TRMT11: variants seen among roughly 807,000 people sequenced by gnomAD.
The protein encoded by TRMT11 is tRNA (guanine(10)-N(2))-methyltransferase TRMT11.
In TRMT11, 53 loss-of-function variants were observed where a neutral mutation model predicts 62.8. The ratio of observed to expected loss-of-function variants is 0.84; its 90% CI spans 0.68 to 1.06. TRMT11 has a LOEUF of 1.06. Among genes scored for constraint, TRMT11 ranks in the 50% least tolerant of loss-of-function variants. The pLI is 0.00. For missense variants in TRMT11, 556 were observed against 553.4 expected, an observed-to-expected ratio of 1.00 and a Z score of -0.05; for synonymous variants, 188 against 190.3, an observed-to-expected ratio of 0.99 and a Z score of 0.10.
intron 21 of TRMT11, among the ~76,000 whole-genome samples, chr6:126,126,107 T>C (rs1383672012): frequency 6.6e-6 from 1 of 152,062 alleles, no homozygotes; most frequent in East Asian, 1.9e-4. Context: ...TACATTTGTG[T>C]TATTTGTCTG....
downstream of TRMT11, among the ~76,000 whole-genome samples, chr6:126,041,580 T>G (rs1292640354): frequency 1.3e-5 from 2 of 152,164 alleles, no homozygotes; most frequent in Non-Finnish European, 2.9e-5. Flanking sequence ...TGAAGGTGAC[T>G]TTTTTGGGAA....
intron 16 of TRMT11, among the ~76,000 whole-genome samples, chr6:126,052,187 G>A (rs974397666): frequency 6.6e-6 from 1 of 152,194 alleles, no homozygotes; most frequent in Non-Finnish European, 1.5e-5. Context: ...ATGGGTGGAC[G>A]TGCTCTATTT....
chr6:126,193,488 G>GTTTTTTTTTTTTTTTTTTTTTTTTTTTTT (rs1778627491), intron 1 of TRMT11, among the ~76,000 whole-genome samples: 1 of 118,140 alleles, frequency 8.5e-6, no homozygotes, highest in African/African-American at 3.7e-5. Context: ...GAGCGTTTCT[G>GTTTTTTTTTTTTTTTTTTTTTTTTTTTTT]TATTTTTTTT....
At chr6:126,249,706 G>A in the TRMT11 span, among the ~76,000 whole-genome samples, 1 of 152,176 alleles carries the variant, frequency 6.6e-6, no homozygotes, top group East Asian at 1.9e-4. Flanking sequence ...GGATAGGGAG[G>A]CGAAAAAGCA....
At chr6:126,201,957 C>T (rs1040823275) in intron 3 of TRMT11, 2 of 152,140 alleles carry the variant, frequency 1.3e-5, no homozygotes, top group African/African-American at 4.8e-5. Flanking sequence ...GACTGCTTCA[C>T]GTTCCCCTGC....
At chr6:126,095,523 G>C (rs1226198857) in intron 17 of TRMT11, among the ~76,000 whole-genome samples, 1 of 152,122 alleles carries the variant, frequency 6.6e-6, no homozygotes, top group Non-Finnish European at 1.5e-5. Context: ...ATAACCTTCT[G>C]ATACCAATTT....
chr6:126,190,232 C>T (rs903919820), intron 1 of TRMT11, among the ~76,000 whole-genome samples: 8 of 152,112 alleles, frequency 5.3e-5, no homozygotes, highest in Non-Finnish European at 8.8e-5. Context: ...TGTGGTTTGG[C>T]TCTGTGTTCC....
At chr6:126,162,754 G>A (rs1288058209) in intron 21 of TRMT11, among the ~76,000 whole-genome samples, 1 of 152,110 alleles carries the variant, frequency 6.6e-6, no homozygotes, top group Admixed American at 6.5e-5. Context: ...GTGGTTTGTA[G>A]TATTCCTTGA....
At chr6:126,011,197 A>C in intron 8 of TRMT11, 56 bp from the exon 9 acceptor site, 1 of 1,434,896 alleles carries the variant, frequency 7.0e-7, no homozygotes, top group African/African-American at 1.4e-5. Context: ...CCTAAATGAC[A>C]GAAAATAAGA....
chr6:125,998,662 A>G lies in TRMT11; in HGVS notation c.500A>G (p.His167Arg), dbSNP rs764651301. ...CCAAACTGCATCCCTGAGAATCCAC[A>G]TAATATTTATTTTGGTAGATGGGTG... The part of the protein sequence containing the change: ...LDPNCIPENP[H>R]NIYFGRWIAD... Residue 167 changes from histidine to arginine, a missense_variant, in exon 6 of 13, where the codon CAT (histidine) becomes CGT (arginine). By Grantham distance (29) the His-to-Arg change is conservative (BLOSUM62 0). Transcript: ENST00000334379. 3.7e-6 allele frequency: 6 copies of G among 1,612,204 alleles called. No individual in the cohort carries two copies. Among genetic ancestry groups the G allele is most frequent in the East Asian group, 4.5e-5 (2 of 44,784 alleles).
rs528731738 is a variant in TRMT11 at position 126,122,060 on chromosome 6, A to G, written c.*1823+6205A>G. On this transcript the variant is annotated intron_variant and NMD_transcript_variant, in intron 21 of 22. Coordinates refer to the TRMT11 transcript ENST00000648977. The stretch of plus-strand genomic sequence containing the variant: ...TCCCATGCTGTTCTTGTGATAGTGA[A>G]TAAGTCTCATGAGATCTGATCGTTT... Among the ~76,000 whole-genome samples, 82 of 152,182 alleles carry G rather than the reference A, an allele frequency of 5.4e-4. 1 individual carries two copies. The South Asian group carries it at 0.016, about 30-fold the overall frequency.
intron 21 of TRMT11, among the ~76,000 whole-genome samples, chr6:126,170,283 C>T (rs1208503909): frequency 6.6e-6 from 1 of 152,132 alleles, no homozygotes; most frequent in African/African-American, 2.4e-5. Context: ...AACCAAAAAA[C>T]CCGAAACTGA....
intron 8 of TRMT11, chr6:126,009,407 T>A (rs1430625828): frequency 6.6e-6 from 1 of 151,990 alleles, no homozygotes; most frequent in African/African-American, 2.4e-5. Context: ...TGAATCAAAC[T>A]GAAAAAGTAT....
At chr6:126,028,999 G>A (rs922799825) in intron 12 of TRMT11, among the ~76,000 whole-genome samples, 11 of 152,104 alleles carry the variant, frequency 7.2e-5, no homozygotes, top group Non-Finnish European at 1.5e-4. Flanking sequence ...ATAACTCAGG[G>A]ATTCCAAGGT....
chr6:126,217,697 C>T, the TRMT11 span, among the ~76,000 whole-genome samples: 2 of 152,154 alleles, frequency 1.3e-5, no homozygotes, highest in Non-Finnish European at 2.9e-5. Context: ...TGACCTGAAA[C>T]CAGCACAGCA....
At chr6:126,114,807 T>G (rs1350889318) in intron 19 of TRMT11, among the ~76,000 whole-genome samples, 1 of 152,050 alleles carries the variant, frequency 6.6e-6, no homozygotes, top group African/African-American at 2.4e-5. Context: ...TCAGCTATAT[T>G]ACATCAGTTT....
the TRMT11 span, among the ~76,000 whole-genome samples, chr6:126,226,662 A>G: frequency 1.3e-5 from 2 of 152,232 alleles, no homozygotes; most frequent in Non-Finnish European, 2.9e-5. Context: ...ATAAAGTACA[A>G]TAAAACATTA....
the TRMT11 span, among the ~76,000 whole-genome samples, chr6:126,241,199 G>A: frequency 6.6e-6 from 1 of 152,212 alleles, no homozygotes; most frequent in East Asian, 1.9e-4. Flanking sequence ...CATGCTCGGT[G>A]TGCTGCACCC....
intron 3 of TRMT11, among the ~76,000 whole-genome samples, chr6:125,997,846 C>G (rs932462726): frequency 6.6e-6 from 1 of 152,142 alleles, no homozygotes; most frequent in Non-Finnish European, 1.5e-5. Context: ...GGTCATTAGT[C>G]TTTTTGTATT....
Sources: gnomAD v4.1 joint callset for allele counts (sites outside exome capture counted in the v4.1 genomes callset) on GRCh38, gnomAD v4.1.1 for gene constraint, MANE v1.5 for transcripts, NCBI Gene and HGNC (gene_info 2026-07-23, HGNC 2026-07-21) for gene names.